Variants in ZNF622 observed in about 807,000 individuals in gnomAD.
ZNF622 encodes the protein cytoplasmic 60S subunit biogenesis factor ZNF622.
ZNF622 carries 34 observed loss-of-function variants against 49.7 expected under a neutral mutation model. The ratio of observed to expected loss-of-function variants is 0.68; its 90% CI spans 0.52 to 0.91. The LOEUF is 0.91. Ranked by LOEUF, ZNF622 falls within the 40% of genes least tolerant of loss-of-function variation. The pLI is 0.00. For missense variants in ZNF622, 569 were observed against 616.4 expected (o/e 0.92, Z 0.81); for synonymous variants, 209 against 228.7 (o/e 0.91, Z 0.78).
intron 4 of ZNF622, among the ~76,000 whole-genome samples, chr5:16,455,200 T>TA (rs1738007568): frequency 6.6e-6 from 1 of 152,242 alleles, no homozygotes; most frequent in Admixed American, 6.5e-5. Flanking sequence ...GAAAGATTTA[T>TA]ATTTACCTAG....
intron 3 of ZNF622, among the ~76,000 whole-genome samples, chr5:16,460,808 T>C (rs1181579301): frequency 1.3e-5 from 2 of 152,140 alleles, no homozygotes; most frequent in South Asian, 2.1e-4. Flanking sequence ...AAACTGTAAA[T>C]GGAATGAAAA....
rs936378380 is a variant in ZNF622 at position 16,453,082 on chromosome 5, C to T, written c.1237G>A (p.Ala413Thr). Residue 413 changes from alanine to threonine, a missense_variant, in exon 5 of 6, where the codon GCC becomes ACC. Transcript: ENST00000308683. ...RFGLSRAVAV[A>T]KNRKAVGRVL... ...CGGCCCACGGCCTTCCGATTTTTGG[C>T]AACTGCCACAGCTCTTGACAAGCCA... The T allele has an allele frequency of 4.4e-6, 7 of 1,588,762 alleles. No homozygotes were observed. Among genetic ancestry groups the T allele is most frequent in the Non-Finnish European group, 5.2e-6 (6 of 1,164,822 alleles).
At position 16,456,283 on chromosome 5, in the gene ZNF622, C is replaced by T. The variant is rs77234044; in HGVS notation, c.1162+2234G>A. Among the ~76,000 whole-genome samples the T allele has an allele frequency of 2.6e-4, 40 of 152,212 alleles. No homozygotes were observed. The East Asian group carries it at 5.0e-3, about 19-fold the overall frequency. ...CTAATGTCCACTCCTTCTTAACAAA[C>T]GGCCTTACAATTTCTGACATCCAAT... On this transcript the variant is annotated intron_variant, in intron 4 of 5. Coordinates refer to ENST00000308683, the MANE Select transcript of ZNF622 (RefSeq NM_033414.3).
At chr5:16,462,110 C>T (rs1738128629) in intron 3 of ZNF622, among the ~76,000 whole-genome samples, 1 of 152,210 alleles carries the variant, frequency 6.6e-6, no homozygotes. Flanking sequence ...AGCCTCTAAT[C>T]CTCCCCTCTA....
rs944647532 is a variant in ZNF622, at chr5:16,463,466, A to C, written c.886+16T>G. The C allele has an allele frequency of 4.4e-6, 7 of 1,595,074 alleles. No homozygotes were observed. Among genetic ancestry groups the C allele is most frequent in the Non-Finnish European group, 6.0e-6 (7 of 1,169,220 alleles). ...TGTGATTATTTCCTCATTAAAAGGAAAACTATTGTACTTACCCAAGTATTT... is the reference window on the plus strand; with the variant it reads ...TGTGATTATTTCCTCATTAAAAGGACAACTATTGTACTTACCCAAGTATTT... On this transcript the variant is annotated intron_variant, in intron 2 of 5. Transcript: ENST00000308683. This position sits in a 1 kb window ranked among gnomAD's most constrained non-coding sequence, Gnocchi z 4.2.
chr5:16,459,318 T>TCA (rs2126492872), intron 3 of ZNF622, among the ~76,000 whole-genome samples: 1 of 152,138 alleles, frequency 6.6e-6, no homozygotes, highest in Admixed American at 6.5e-5. Context: ...ATCAGATACC[T>TCA]CACAAAAAGA....
At position 16,458,548 on chromosome 5, in the gene ZNF622, A is replaced by G; in HGVS notation, c.1131T>C (p.Asp377=). 1.9e-6 allele frequency: 3 copies of G among 1,613,786 alleles called. No individual in the cohort carries two copies. The highest frequency in any genetic ancestry group is 2.2e-5 in the East Asian group (1 of 44,854). ...ELPSEKNLEY[D]DETMELILPS... is the part of the protein sequence containing the mutation. ...GCAGAATCAATTCCATGGTTTCATC[A>G]TCATATTCCAAGTTCTTTTCTGAGG... The change falls in exon 4 of 6, where the codon GAT becomes GAC. Residue 377 remains aspartate, a synonymous_variant. Transcript: ENST00000308683.
At position 16,451,676 on chromosome 5, in the gene ZNF622, C is replaced by T. The variant is rs762808137; in HGVS notation, c.1415G>A (p.Arg472Gln). 3.7e-6 allele frequency: 6 copies of T among 1,613,726 alleles called. No homozygotes were observed. Among genetic ancestry groups the T allele is most frequent in the African/African-American group, 1.3e-5 (1 of 74,882 alleles). The change falls in exon 6 of 6, where the codon CGG becomes CAG. Residue 472 changes from arginine (R) to glutamine (Q), a missense_variant. Coordinates refer to ENST00000308683, the MANE Select transcript of ZNF622 (RefSeq NM_033414.3). ...KNNATKQMHF[R>Q]VQVRF ...AGACTCTCAGAATCTCACTTGGACC[C>T]GAAAGTGCATCTGCTTGGTGGCATT...
At chr5:16,461,058 G>A (rs1163849331) in intron 3 of ZNF622, among the ~76,000 whole-genome samples, 2 of 152,168 alleles carry the variant, frequency 1.3e-5, no homozygotes, top group African/African-American at 2.4e-5. Flanking sequence ...TTTATGGAAG[G>A]TGGTCAAAAA....
chr5:16,462,088 C>T (rs1372157609), intron 3 of ZNF622, among the ~76,000 whole-genome samples: 2 of 152,220 alleles, frequency 1.3e-5, no homozygotes, highest in Non-Finnish European at 2.9e-5. Context: ...TCATTGTCTT[C>T]TCTACTGCCA....
chr5:16,464,557 A>G (rs1738181620), intron 1 of ZNF622, among the ~76,000 whole-genome samples: 1 of 152,236 alleles, frequency 6.6e-6, no homozygotes, highest in Non-Finnish European at 1.5e-5. Flanking sequence ...GAAGTAAGGA[A>G]TAAATAGCTC....
Position 16,465,427 on chromosome 5 carries a change from T to A in ZNF622, c.239A>T (p.Asn80Ile). The change falls in exon 1 of 6, where the codon AAC becomes ATC. Residue 80 changes from asparagine (N) to isoleucine (I), a missense_variant. Transcript: ENST00000308683. This position sits in a 1 kb window ranked among gnomAD's most constrained non-coding sequence, Gnocchi z 6.2. The stretch of plus-strand genomic sequence containing the variant: ...GGACTTGAGGTGGTTCTCGTAGGCG[T>A]TGAAAGAGGCAAACTTCTTACTGCA... ...TVCSKKFASF[N>I]AYENHLKSRR... 1 of 1,614,236 alleles carries A rather than the reference T, an allele frequency of 6.2e-7. No individual in the cohort carries two copies. The highest frequency in any genetic ancestry group is 8.5e-7 in the Non-Finnish European group (1 of 1,180,044).
intron 3 of ZNF622, among the ~76,000 whole-genome samples, chr5:16,461,510 T>A (rs78715288): frequency 0.012 from 1,818 of 152,286 alleles, 16 homozygotes; most frequent in Non-Finnish European, 0.02. Flanking sequence ...GTAGTAGCCA[T>A]AGAAGTAGTG....
intron 3 of ZNF622, among the ~76,000 whole-genome samples, chr5:16,459,163 G>C (rs190019949): frequency 0.012 from 1,836 of 152,282 alleles, 16 homozygotes; most frequent in Non-Finnish European, 0.02. Flanking sequence ...ATATTGGACA[G>C]TGCAGTTCCA....
chr5:16,454,345 G>A (rs756865675), intron 4 of ZNF622, among the ~76,000 whole-genome samples: 6 of 151,934 alleles, frequency 3.9e-5, no homozygotes, highest in Middle Eastern at 3.4e-3. Flanking sequence ...AAAATTAGCC[G>A]GGCGTGGTGG....
intron 1 of ZNF622, among the ~76,000 whole-genome samples, chr5:16,464,299 C>T (rs147967239): frequency 6.6e-6 from 1 of 152,064 alleles, no homozygotes; most frequent in East Asian, 1.9e-4. Context: ...CTGGCTAGCC[C>T]CTTTTTTGCC....
chr5:16,458,902 G>C (rs1038422360), intron 3 of ZNF622, among the ~76,000 whole-genome samples: 2 of 152,152 alleles, frequency 1.3e-5, no homozygotes, highest in African/African-American at 4.8e-5. Context: ...TGTACAGCTG[G>C]ACATGCAGCT....
Position 16,465,577 on chromosome 5 carries a change from T to TCCTATA in ZNF622, c.88_89insTATAGG (p.Tyr30delinsLeuTer). The TCCTATA allele has an allele frequency of 6.2e-7, 1 of 1,613,624 alleles. No individual in the cohort carries two copies. The highest frequency in any genetic ancestry group is 8.5e-7 in the Non-Finnish European group (1 of 1,179,808). On this transcript the variant is annotated stop_gained and protein_altering_variant, in exon 1 of 6. Transcript: ENST00000308683. LOFTEE classifies it high-confidence loss of function. This position sits in a 1 kb window ranked among gnomAD's most constrained non-coding sequence, Gnocchi z 6.2. ...GCTGGCCACCTTCCGCCGCAGGTTG[T>TCCTATA]AGCGGTGCCAGTCCGTCTTATAGTG...
At chr5:16,456,708 C>A (rs26375) in intron 4 of ZNF622, among the ~76,000 whole-genome samples, 45,476 of 151,810 alleles carry the variant, frequency 0.3, 7,033 homozygotes, top group East Asian at 0.46. Context: ...GGACCAGAAG[C>A]GAGAGAAACT....
Sources: allele counts gnomAD v4.1 joint callset (sites outside exome capture counted in the v4.1 genomes callset), GRCh38; gene constraint gnomAD v4.1.1; non-coding constraint Gnocchi (gnomAD v3.1); transcripts MANE v1.5; gene names NCBI Gene and HGNC (gene_info 2026-07-23, HGNC 2026-07-21).